SOS1: variants seen among roughly 807,000 people sequenced by gnomAD.
SOS1 encodes the protein SOS Ras/Rac guanine nucleotide exchange factor 1.
Under a neutral mutation model 157.6 loss-of-function variants are expected in SOS1, and 25 were observed. The observed-to-expected ratio is 0.16, with a 90% CI of 0.12 to 0.22. The LOEUF (loss-of-function observed/expected upper bound fraction) is 0.22. Among genes scored for constraint, SOS1 ranks in the 10% least tolerant of loss-of-function variants. The pLI, the probability that SOS1 is intolerant of heterozygous loss-of-function variation, is 1.00. For missense variants in SOS1, 1,237 were observed against 1,599.1 expected (o/e 0.77, Z 3.86); for synonymous variants, 528 against 534.0 (o/e 0.99, Z 0.16).
intron 1 of SOS1, among the ~76,000 whole-genome samples, chr2:39,093,636 T>G (rs1187507511): frequency 6.6e-6 from 1 of 152,110 alleles, no homozygotes; most frequent in Non-Finnish European, 1.5e-5. Context: ...CGAGATTGTT[T>G]AGAGGAGCAA....
At chr2:39,011,170 T>C (rs1043240035) in intron 14 of SOS1, among the ~76,000 whole-genome samples, 3 of 152,214 alleles carry the variant, frequency 2.0e-5, no homozygotes, top group Non-Finnish European at 2.9e-5. Context: ...ATGCTGGGAT[T>C]ACAGGAGTGA....
chr2:39,028,204 G>C (rs570375013), intron 8 of SOS1, among the ~76,000 whole-genome samples: 1 of 152,080 alleles, frequency 6.6e-6, no homozygotes, highest in African/African-American at 2.4e-5. Flanking sequence ...TACCAGTGAC[G>C]AATTTTTTTG....
At chr2:39,096,810 C>T (rs1036244936) in intron 1 of SOS1, among the ~76,000 whole-genome samples, 1 of 151,600 alleles carries the variant, frequency 6.6e-6, no homozygotes, top group Non-Finnish European at 1.5e-5. Flanking sequence ...GGTGTAAACC[C>T]AGGAGGTGGA....
chr2:38,985,721 T>C lies in SOS1; in HGVS notation c.*103A>G. The C allele has an allele frequency of 8.1e-7, 1 of 1,227,612 alleles. No individual in the cohort carries two copies. The highest frequency in any genetic ancestry group is 1.2e-6 in the Non-Finnish European group (1 of 840,322). 76.0% of individuals were successfully genotyped at this position (1,227,612 alleles called of 1,614,324 possible). A position where few individuals can be genotyped will look rare whatever the true frequency, so the allele number is the denominator to read the frequency against. ...GCATCTTGAAGAAGAGTCGTTAGTG[T>C]TTGGAGTTCTCATTTTAACTCCTCA... On this transcript the variant is annotated 3_prime_UTR_variant, in exon 23 of 23. Transcript: ENST00000402219.
At chr2:39,013,049 G>A (rs891212823) in intron 13 of SOS1, among the ~76,000 whole-genome samples, 2 of 152,200 alleles carry the variant, frequency 1.3e-5, no homozygotes, top group South Asian at 2.1e-4. Flanking sequence ...CCAAAGTCAC[G>A]TATCTGATTA....
In SOS1 at chr2:39,051,235, T is replaced by A. The variant is rs770792180; in HGVS notation, c.773A>T (p.Lys258Met). 1.5e-5 allele frequency: 24 copies of A among 1,612,428 alleles called. No individual in the cohort carries two copies. The highest frequency in any genetic ancestry group is 2.0e-5 in the Non-Finnish European group (24 of 1,178,514). The change falls in exon 6 of 23, where the codon AAG becomes ATG. Residue 258 changes from lysine (K) to methionine (M), a missense_variant. Lys to Met is a moderately conservative substitution (Grantham distance 95). Coordinates refer to ENST00000402219, the MANE Select transcript of SOS1 (RefSeq NM_005633.4). ...RIVDIHELSV[K>M]LLGHIEDTVE... ...TGTATCTTCTATATGGCCCAGTAAC[T>A]TTACACTAAGTTCATGTATATCTAC...
chr2:39,012,201 T>C lies in SOS1; in HGVS notation c.2315A>G (p.Glu772Gly), dbSNP rs745360437. ...GTGTAAGGTGAGCAGGTCAAAAGTC[T>C]CTATGTGCCCAGGTCTGCTTATATG... is the stretch of plus-strand genomic sequence containing the variant. ...EWHISRPGHI[E>G]TFDLLTLHPI... Residue 772 changes from glutamate to glycine, a missense_variant, in exon 14 of 23, where the codon GAG becomes GGG. By Grantham distance (98) the Glu-to-Gly change is moderately conservative. Transcript: ENST00000402219. 1.9e-6 allele frequency: 3 copies of C among 1,613,800 alleles called. No homozygotes were observed. The highest frequency in any genetic ancestry group is 2.5e-6 in the Non-Finnish European group (3 of 1,179,778).
chr2:39,115,413 T>C (rs1673611752), intron 1 of SOS1, among the ~76,000 whole-genome samples: 1 of 143,296 alleles, frequency 7.0e-6, no homozygotes, highest in Non-Finnish European at 1.5e-5. Flanking sequence ...TCTCTTTTTT[T>C]TTTTTTTTTT....
intron 1 of SOS1, among the ~76,000 whole-genome samples, chr2:39,106,590 C>CAAG (rs1673195937): frequency 3.2e-5 from 1 of 31,360 alleles, no homozygotes; most frequent in African/African-American, 8.8e-5. Flanking sequence ...GACTCCGTCT[C>CAAG]AAAAAAAAAA....
At position 39,103,071 on chromosome 2, in the gene SOS1, A is replaced by G. The variant is rs80088865; in HGVS notation, c.87+17265T>C. 1.6e-3 allele frequency among the ~76,000 whole-genome samples: 246 copies of G among 152,360 alleles called. 1 individual carries two copies. The East Asian group carries it at 0.018, about 11-fold the overall frequency. On this transcript the variant is annotated intron_variant, in intron 1 of 22. Coordinates refer to ENST00000402219, the MANE Select transcript of SOS1 (RefSeq NM_005633.4). ...TCCATTTAACATTGAAAAGAACAAT[A>G]ACATCTAAAAGAGTACCTAGAAAGA...
At chr2:39,080,943 T>C (rs1368741672) in intron 1 of SOS1, among the ~76,000 whole-genome samples, 1 of 152,130 alleles carries the variant, frequency 6.6e-6, no homozygotes, top group Non-Finnish European at 1.5e-5. Context: ...ACCAGCACTT[T>C]GGAAGGCTGA....
At chr2:39,102,729 G>C (rs927919890) in intron 1 of SOS1, among the ~76,000 whole-genome samples, 2 of 152,010 alleles carry the variant, frequency 1.3e-5, no homozygotes, top group Admixed American at 1.3e-4. Flanking sequence ...TGGATCACTT[G>C]AGCAGAGGAG....
intron 1 of SOS1, among the ~76,000 whole-genome samples, chr2:39,076,439 G>A (rs1672000264): frequency 6.6e-6 from 1 of 151,926 alleles, no homozygotes; most frequent in African/African-American, 2.4e-5. Flanking sequence ...ATTTAGGAAT[G>A]TTTAGAAAAG....
At chr2:39,044,444 T>C (rs1044986324) in intron 6 of SOS1, among the ~76,000 whole-genome samples, 3 of 152,212 alleles carry the variant, frequency 2.0e-5, no homozygotes, top group African/African-American at 7.2e-5. Context: ...CTTTCTTCTT[T>C]CTTGGTTTGA....
intron 6 of SOS1, among the ~76,000 whole-genome samples, chr2:39,048,651 C>T (rs1670883682): frequency 6.6e-6 from 1 of 151,988 alleles, no homozygotes; most frequent in Non-Finnish European, 1.5e-5. Context: ...ATCCACCTGC[C>T]TCAGTCTCCC....
At chr2:39,078,750 C>T (rs1020636268) in intron 1 of SOS1, among the ~76,000 whole-genome samples, 2 of 152,014 alleles carry the variant, frequency 1.3e-5, no homozygotes, top group African/African-American at 4.8e-5. Flanking sequence ...TCCACAAAAC[C>T]AGTCCCTGGT....
intron 6 of SOS1, 65 bp from the exon 7 acceptor site, chr2:39,035,565 TG>T: frequency 8.4e-7 from 1 of 1,184,950 alleles, no homozygotes; most frequent in Admixed American, 1.7e-5. Context: ...GATTTAATTA[TG>T]GGGCACGACT....
At chr2:38,987,948 C>A (rs568058070) in intron 21 of SOS1, among the ~76,000 whole-genome samples, 1 of 152,234 alleles carries the variant, frequency 6.6e-6, no homozygotes, top group Non-Finnish European at 1.5e-5. Flanking sequence ...TTTTTAGATT[C>A]TATAATGGGT....
chr2:39,105,049 G>T (rs948771951), intron 1 of SOS1, among the ~76,000 whole-genome samples: 2 of 152,006 alleles, frequency 1.3e-5, no homozygotes, highest in African/African-American at 4.8e-5. Flanking sequence ...CAAAGAAAAA[G>T]TTATTAAATG....
Sources: allele counts gnomAD v4.1 joint callset (sites outside exome capture counted in the v4.1 genomes callset), GRCh38; gene constraint gnomAD v4.1.1; transcripts MANE v1.5; gene names NCBI Gene and HGNC (gene_info 2026-07-23, HGNC 2026-07-21).